GABRB1: variants seen among roughly 807,000 people sequenced by gnomAD.
GABRB1 encodes gamma-aminobutyric acid type A receptor subunit beta1, also known as gamma-aminobutyric acid receptor subunit beta-1.
Under a neutral mutation model 51.6 loss-of-function variants are expected in GABRB1, and 17 were observed. The observed-to-expected ratio is 0.33, with a 90% CI of 0.23 to 0.49. GABRB1 has a LOEUF of 0.49. Among genes scored for constraint, GABRB1 ranks in the 20% least tolerant of loss-of-function variants. The probability of loss-of-function intolerance (pLI) is 0.99; values close to 1 mark genes in which losing one functional copy is unlikely to be tolerated. For missense variants in GABRB1, 410 were observed against 600.6 expected (o/e 0.68, Z 3.32); for synonymous variants, 247 against 218.9 (o/e 1.13, Z -1.14).
chr4:47,209,277 T>C (rs1290931272), intron 4 of GABRB1, among the ~76,000 whole-genome samples: 2 of 152,130 alleles, frequency 1.3e-5, no homozygotes, highest in East Asian at 1.9e-4. Context: ...CATTCATTAT[T>C]AGATTGTTTT....
At chr4:47,251,009 G>C (rs180886968) in intron 4 of GABRB1, among the ~76,000 whole-genome samples, 4 of 152,112 alleles carry the variant, frequency 2.6e-5, no homozygotes, top group Non-Finnish European at 4.4e-5. Flanking sequence ...TCTTGGGGGG[G>C]TGTTAAAGAG....
At chr4:47,170,744 AAG>A (rs777419448) in intron 4 of GABRB1, among the ~76,000 whole-genome samples, 3 of 152,192 alleles carry the variant, frequency 2.0e-5, no homozygotes, top group Non-Finnish European at 4.4e-5. Context: ...TTTCAAATGG[AAG>A]AGAGAAACAG....
In GABRB1 at chr4:47,032,531, G is replaced by C. The variant is rs1390563193; in HGVS notation, c.240+47G>C. The C allele has an allele frequency of 2.6e-6, 4 of 1,550,850 alleles. No homozygotes were observed. In the Admixed American group the frequency reaches 6.7e-5, roughly 26 times the overall value. ...CCGGCGGTTCGGCTTACGCAGATGG[G>C]AAATGGACAGGTCCCTTTGCCCTCT... On this transcript the variant is annotated intron_variant, in intron 3 of 8. Transcript: ENST00000295454.
At chr4:47,166,489 T>A (rs1221036474) in intron 4 of GABRB1, among the ~76,000 whole-genome samples, 1 of 152,154 alleles carries the variant, frequency 6.6e-6, no homozygotes, top group African/African-American at 2.4e-5. Context: ...TATGATTTTC[T>A]TAATGACATT....
chr4:47,022,649 A>T (rs897500362), intron 1 of GABRB1, among the ~76,000 whole-genome samples: 6 of 152,078 alleles, frequency 3.9e-5, no homozygotes, highest in Non-Finnish European at 5.9e-5. Flanking sequence ...GACAGGCAAT[A>T]ACAAACGCTG....
chr4:47,158,501 G>A (rs540045685), intron 3 of GABRB1, among the ~76,000 whole-genome samples: 2 of 152,166 alleles, frequency 1.3e-5, no homozygotes, highest in Non-Finnish European at 2.9e-5. Flanking sequence ...AAAGAATTGT[G>A]GAGCAAGGAT....
chr4:47,179,828 C>A (rs984983982), intron 4 of GABRB1, among the ~76,000 whole-genome samples: 1 of 152,080 alleles, frequency 6.6e-6, no homozygotes, highest in Non-Finnish European at 1.5e-5. Flanking sequence ...TGCCTTGACT[C>A]TATTTTCTGG....
At chr4:47,352,496 T>A (rs895075398) in intron 5 of GABRB1, among the ~76,000 whole-genome samples, 1 of 152,146 alleles carries the variant, frequency 6.6e-6, no homozygotes, top group African/African-American at 2.4e-5. Context: ...TCCTTGATGA[T>A]CATTGATGCA....
intron 5 of GABRB1, among the ~76,000 whole-genome samples, chr4:47,364,428 G>A (rs915999331): frequency 1.3e-5 from 2 of 151,676 alleles, no homozygotes; most frequent in African/African-American, 4.8e-5. Flanking sequence ...AACAAGAAGA[G>A]GAAGAGCAAA....
At chr4:47,107,955 G>A (rs377467441) in intron 3 of GABRB1, among the ~76,000 whole-genome samples, 51 of 152,032 alleles carry the variant, frequency 3.4e-4, no homozygotes, top group African/African-American at 9.6e-4. Context: ...TCAATACTTC[G>A]TTTGATCAAC....
intron 8 of GABRB1, among the ~76,000 whole-genome samples, chr4:47,414,825 A>T (rs578041046): frequency 1.3e-4 from 20 of 152,246 alleles, no homozygotes; most frequent in African/African-American, 4.1e-4. Flanking sequence ...GGAGGTGGGC[A>T]TTGTAAAGGT....
At chr4:47,340,752 CAGGTAACA>C (rs1329032474) in intron 5 of GABRB1, among the ~76,000 whole-genome samples, 1 of 152,138 alleles carries the variant, frequency 6.6e-6, no homozygotes, top group Non-Finnish European at 1.5e-5. Context: ...CAGGCCATAG[CAGGTAACA>C]ATACATCTCT....
At chr4:47,083,741 G>A (rs992461899) in intron 3 of GABRB1, among the ~76,000 whole-genome samples, 1 of 151,894 alleles carries the variant, frequency 6.6e-6, no homozygotes, top group African/African-American at 2.4e-5. Flanking sequence ...TCCTATCTTT[G>A]GAACCTTGGA....
chr4:47,002,701 G>C (rs1176772556), intron 1 of GABRB1, among the ~76,000 whole-genome samples: 1 of 152,030 alleles, frequency 6.6e-6, no homozygotes, highest in Non-Finnish European at 1.5e-5. Context: ...CACAGTGTTT[G>C]GAATTAAACT....
At chr4:47,136,679 A>G (rs1716671588) in intron 3 of GABRB1, among the ~76,000 whole-genome samples, 1 of 152,032 alleles carries the variant, frequency 6.6e-6, no homozygotes, top group Non-Finnish European at 1.5e-5. Flanking sequence ...CTTTTCAGAA[A>G]ACCTTCCTGT....
In GABRB1 at chr4:47,259,569, T is replaced by G. The variant is rs543223378; in HGVS notation, c.462-60558T>G. 2.6e-5 allele frequency among the ~76,000 whole-genome samples: 4 copies of G among 152,298 alleles called. No individual in the cohort carries two copies. The South Asian group carries it at 8.3e-4, about 32-fold the overall frequency. On this transcript the variant is annotated intron_variant, in intron 4 of 8. Transcript: ENST00000295454. ...ATTATCTCATTCAGTCTGCTCAACATCATACAAAATAGGCATTATTAACAA... is the reference window on the plus strand; with the variant it reads ...ATTATCTCATTCAGTCTGCTCAACAGCATACAAAATAGGCATTATTAACAA...
chr4:47,255,981 C>T (rs1168306129), intron 4 of GABRB1, among the ~76,000 whole-genome samples: 1 of 152,160 alleles, frequency 6.6e-6, no homozygotes, highest in Non-Finnish European at 1.5e-5. Context: ...TGATAAAAGT[C>T]TTCTTCAAGA....
chr4:47,296,296 T>G (rs1441188299), intron 4 of GABRB1, among the ~76,000 whole-genome samples: 4 of 152,178 alleles, frequency 2.6e-5, no homozygotes, highest in African/African-American at 9.7e-5. Context: ...ATGCTCCAAT[T>G]AGAAGACACA....
At chr4:47,212,334 C>A (rs537017779) in intron 4 of GABRB1, among the ~76,000 whole-genome samples, 1 of 152,062 alleles carries the variant, frequency 6.6e-6, no homozygotes, top group Non-Finnish European at 1.5e-5. Context: ...TTCCAGGTGC[C>A]GAGCAAGGGA....
Sources: gnomAD v4.1 joint callset for allele counts (sites outside exome capture counted in the v4.1 genomes callset) on GRCh38, gnomAD v4.1.1 for gene constraint, MANE v1.5 for transcripts, NCBI Gene and HGNC (gene_info 2026-07-23, HGNC 2026-07-21) for gene names.